NRXN1: variants seen among roughly 807,000 people sequenced by gnomAD.
NRXN1 encodes neurexin-1.
NRXN1 carries 39 observed loss-of-function variants against 150.9 expected under a neutral mutation model. The observed-to-expected ratio is 0.26, with a 90% confidence interval of 0.20 to 0.34. The LOEUF (loss-of-function observed/expected upper bound fraction) is 0.34. NRXN1 is among the 10% of genes least tolerant of loss of function. The pLI is 1.00. For synonymous variants in NRXN1, 924 were observed against 757.0 expected, an observed-to-expected ratio of 1.22 and a Z score of -3.62; for missense variants, 1,815 against 1,949.9, an observed-to-expected ratio of 0.93 and a Z score of 1.30.
chr2:49,961,954 G>A (rs1024013447), intron 21 of NRXN1, among the ~76,000 whole-genome samples: 4 of 152,026 alleles, frequency 2.6e-5, no homozygotes, highest in African/African-American at 4.8e-5. Flanking sequence ...TGAAATATAT[G>A]GTGTGGCTGG....
Position 50,668,345 on chromosome 2 carries a change from CAT to C in NRXN1, c.833-44732_833-44731del, listed in dbSNP as rs1459015949. ...CTCAAAGAGTGAAAAATATAGTCAA[CAT>C]GTGAAAAATTTTTGTTTGCTTCTTT... On this transcript the variant is annotated intron_variant, in intron 5 of 22. Coordinates refer to ENST00000401669, the MANE Select transcript of NRXN1 (RefSeq NM_001330078.2). 2.6e-5 allele frequency among the ~76,000 whole-genome samples: 4 copies of C among 151,596 alleles called. No individual in the cohort carries two copies. The East Asian group carries it at 5.8e-4, about 22-fold the overall frequency.
chr2:50,234,847 A>G (rs1406211075), intron 18 of NRXN1, among the ~76,000 whole-genome samples: 1 of 152,096 alleles, frequency 6.6e-6, no homozygotes, highest in Non-Finnish European at 1.5e-5. Context: ...TGCAGCTATC[A>G]GAAATCCATG....
In NRXN1 at chr2:50,337,740, A is replaced by G. The variant is rs1280390999; in HGVS notation, c.3365-100770T>C. On this transcript the variant is annotated intron_variant, in intron 17 of 22. Transcript: ENST00000401669. ...CCCACAATATTTTAATCACTTCCTC[A>G]CTATAAGCCAAGAGTTGAATTAATT... is the stretch of plus-strand genomic sequence containing the variant. 4.6e-5 allele frequency among the ~76,000 whole-genome samples: 7 copies of G among 152,322 alleles called. No individual in the cohort carries two copies. In the East Asian group the frequency reaches 1.3e-3, roughly 29 times the overall value.
At chr2:50,479,513 C>T (rs1009990503) in intron 15 of NRXN1, among the ~76,000 whole-genome samples, 1 of 152,146 alleles carries the variant, frequency 6.6e-6, no homozygotes, top group African/African-American at 2.4e-5. Flanking sequence ...TTAGTTTATA[C>T]ATTATTTGAA....
At chr2:50,016,534 A>C (rs1686644405) in intron 21 of NRXN1, 1 of 152,212 alleles carries the variant, frequency 6.6e-6, no homozygotes, top group African/African-American at 2.4e-5. Flanking sequence ...GGAAACTTAC[A>C]ATCATCGTGG....
intron 2 of NRXN1, among the ~76,000 whole-genome samples, chr2:50,981,063 A>C (rs1696705139): frequency 6.6e-6 from 1 of 152,138 alleles, no homozygotes; most frequent in African/African-American, 2.4e-5. Flanking sequence ...CTCTTCTGTG[A>C]TCACCTATAA....
chr2:50,019,947 C>CAAAAAAAAAAAAAAAAAAAA (rs1161865745), intron 21 of NRXN1, among the ~76,000 whole-genome samples: 2 of 43,358 alleles, frequency 4.6e-5, no homozygotes, highest in Admixed American at 2.5e-4. Flanking sequence ...GACTCCGTCT[C>CAAAAAAAAAAAAAAAAAAAA]AAAAAAAAAA....
intron 21 of NRXN1, among the ~76,000 whole-genome samples, chr2:49,967,955 C>T (rs1371878565): frequency 6.6e-6 from 1 of 151,996 alleles, no homozygotes; most frequent in Non-Finnish European, 1.5e-5. Flanking sequence ...CACAAAATAT[C>T]CCATAATTCT....
chr2:49,981,368 A>T (rs1022773613), intron 21 of NRXN1, among the ~76,000 whole-genome samples: 10 of 152,072 alleles, frequency 6.6e-5, no homozygotes, highest in African/African-American at 2.4e-4. Context: ...GAAATTAAGG[A>T]AAATTGGAAA....
Position 50,067,421 on chromosome 2 carries a change from T to C in NRXN1, c.3719-12377A>G, listed in dbSNP as rs944240742. Among the ~76,000 whole-genome samples, 3 of 152,176 alleles carry C rather than the reference T, an allele frequency of 2.0e-5. No homozygotes were observed. In the South Asian group the frequency reaches 6.2e-4, roughly 32 times the overall value. Reference sequence around the variant, plus strand: ...GTAACCTTGTGAATTTTGGATCTCATTGCCTGTGTGGAATGAACAGTGATT... The same window carrying C: ...GTAACCTTGTGAATTTTGGATCTCACTGCCTGTGTGGAATGAACAGTGATT... On this transcript the variant is annotated intron_variant, in intron 19 of 22. Coordinates refer to ENST00000401669, the MANE Select transcript of NRXN1 (RefSeq NM_001330078.2).
At chr2:50,177,991 G>C (rs940543856) in intron 18 of NRXN1, among the ~76,000 whole-genome samples, 1 of 152,010 alleles carries the variant, frequency 6.6e-6, no homozygotes, top group African/African-American at 2.4e-5. Context: ...ATTTCAGAAA[G>C]TGGTCATAAT....
intron 5 of NRXN1, chr2:50,918,473 C>T (rs1685523836): frequency 2.9e-6 from 1 of 343,078 alleles, no homozygotes; most frequent in Non-Finnish European, 5.3e-6. Flanking sequence ...ATTATGATGA[C>T]TTATGAAGGA....
chr2:50,697,040 C>T (rs1163363400), intron 5 of NRXN1, among the ~76,000 whole-genome samples: 1 of 152,092 alleles, frequency 6.6e-6, no homozygotes, highest in South Asian at 2.1e-4. Context: ...CTGGGTCATA[C>T]ACAAACGTCC....
intron 5 of NRXN1, among the ~76,000 whole-genome samples, chr2:50,729,214 C>T (rs1697777327): frequency 6.6e-6 from 1 of 152,102 alleles, no homozygotes; most frequent in Non-Finnish European, 1.5e-5. Flanking sequence ...TATAAATTCT[C>T]TAAGAACTGG....
chr2:50,831,695 C>T (rs931988748), intron 5 of NRXN1, among the ~76,000 whole-genome samples: 2 of 152,178 alleles, frequency 1.3e-5, no homozygotes, highest in Non-Finnish European at 2.9e-5. Context: ...ATGGACGTTA[C>T]ACCTACCCTC....
intron 2 of NRXN1, among the ~76,000 whole-genome samples, chr2:51,017,694 T>G (rs941814020): frequency 6.6e-6 from 1 of 151,862 alleles, no homozygotes; most frequent in South Asian, 2.1e-4. Flanking sequence ...TCTTACACAT[T>G]TCACTGTGCT....
At chr2:50,282,509 TG>T (rs981851231) in intron 17 of NRXN1, among the ~76,000 whole-genome samples, 52 of 152,104 alleles carry the variant, frequency 3.4e-4, no homozygotes, top group African/African-American at 9.7e-4. Flanking sequence ...CTCGTATACC[TG>T]GGTTCCACGG....
intron 2 of NRXN1, among the ~76,000 whole-genome samples, chr2:50,992,588 A>G (rs2105001956): frequency 6.6e-6 from 1 of 152,122 alleles, no homozygotes; most frequent in East Asian, 1.9e-4. Flanking sequence ...ACCTGAAAGA[A>G]ATCAGGGAGG....
intron 19 of NRXN1, among the ~76,000 whole-genome samples, chr2:50,066,153 G>T (rs1042036880): frequency 6.6e-6 from 1 of 152,010 alleles, no homozygotes; most frequent in African/African-American, 2.4e-5. Context: ...GTATAGCTCG[G>T]CTAGATGTTA....
Sources: gnomAD v4.1 joint callset for allele counts (sites outside exome capture counted in the v4.1 genomes callset) on GRCh38, gnomAD v4.1.1 for gene constraint, MANE v1.5 for transcripts, NCBI Gene and HGNC (gene_info 2026-07-23, HGNC 2026-07-21) for gene names.